Variants in CFAP95 observed in about 807,000 individuals in gnomAD.
CFAP95 encodes the protein cilia- and flagella-associated protein 95.
At chr9:69,866,037 T>G in the CFAP95 span, among the ~76,000 whole-genome samples, 2 of 152,088 alleles carry the variant, frequency 1.3e-5, no homozygotes, top group African/African-American at 4.8e-5. Context: ...TGAGCTGAGA[T>G]AGTTTAATAC....
the CFAP95 span, among the ~76,000 whole-genome samples, chr9:69,866,679 T>C: frequency 6.6e-6 from 1 of 152,240 alleles, no homozygotes; most frequent in African/African-American, 2.4e-5. Context: ...ACAGACAGAA[T>C]CTGGGCTATC....
the CFAP95 span, among the ~76,000 whole-genome samples, chr9:69,826,633 T>G: frequency 1.3e-5 from 2 of 152,206 alleles, no homozygotes; most frequent in South Asian, 4.1e-4. Context: ...AAAAGCTTAT[T>G]AACTCTTAAT....
At chr9:69,823,201 G>A in the CFAP95 span, among the ~76,000 whole-genome samples, 1 of 152,070 alleles carries the variant, frequency 6.6e-6, no homozygotes, top group Admixed American at 6.6e-5. Flanking sequence ...GGTGAAGGAG[G>A]AACTTCGAAA....
chr9:69,820,824 C>T, the CFAP95 span: 3 of 1,543,380 alleles, frequency 1.9e-6, no homozygotes, highest in African/African-American at 1.4e-5. Context: ...TACGTTCCTG[C>T]CGGGCAGGAC....
At chr9:69,856,592 T>C in the CFAP95 span, 1 of 1,611,382 alleles carries the variant, frequency 6.2e-7, no homozygotes, top group Non-Finnish European at 8.5e-7. Context: ...TTGTCACAAA[T>C]GTGTTTAAAC....
chr9:69,844,083 T>C, the CFAP95 span, among the ~76,000 whole-genome samples: 36 of 152,162 alleles, frequency 2.4e-4, 1 homozygote, highest in Admixed American at 2.4e-3. Context: ...AGGTTATAAA[T>C]CAATATGGGC....
chr9:69,883,964 G>T, the CFAP95 span, among the ~76,000 whole-genome samples: 49 of 151,922 alleles, frequency 3.2e-4, no homozygotes, highest in African/African-American at 1.1e-3. Flanking sequence ...TCTTTAAGAT[G>T]CATCAATAGG....
At chr9:69,841,537 A>G in the CFAP95 span, among the ~76,000 whole-genome samples, 1 of 152,146 alleles carries the variant, frequency 6.6e-6, no homozygotes, top group Admixed American at 6.5e-5. Flanking sequence ...CCAGAGAAAA[A>G]GCTGAGAATG....
At chr9:69,862,498 C>G in the CFAP95 span, among the ~76,000 whole-genome samples, 4 of 152,130 alleles carry the variant, frequency 2.6e-5, no homozygotes, top group Non-Finnish European at 5.9e-5. Flanking sequence ...AGAATCTGCT[C>G]TCCTGAATAT....
chr9:69,901,916 G>C, the CFAP95 span, among the ~76,000 whole-genome samples: 3 of 152,102 alleles, frequency 2.0e-5, no homozygotes, highest in African/African-American at 7.2e-5. Context: ...CTGTGGTTTT[G>C]ATTCACATTT....
chr9:69,829,290 A>T, the CFAP95 span, among the ~76,000 whole-genome samples: 1 of 152,182 alleles, frequency 6.6e-6, no homozygotes, highest in Non-Finnish European at 1.5e-5. Flanking sequence ...TGCCCTGACT[A>T]CATTTTTCTT....
At chr9:69,884,524 T>C in the CFAP95 span, 2 of 152,178 alleles carry the variant, frequency 1.3e-5, no homozygotes, top group African/African-American at 2.4e-5. Flanking sequence ...ACCATACTGA[T>C]GTTGAACTTA....
the CFAP95 span, among the ~76,000 whole-genome samples, chr9:69,895,709 G>A: frequency 1.3e-5 from 2 of 152,176 alleles, no homozygotes; most frequent in African/African-American, 2.4e-5. Flanking sequence ...CTCAGGAAAC[G>A]GATTGTTTTT....
chr9:69,870,725 A>C, the CFAP95 span, among the ~76,000 whole-genome samples: 1 of 152,218 alleles, frequency 6.6e-6, no homozygotes, highest in Non-Finnish European at 1.5e-5. Flanking sequence ...AATTTGGAAT[A>C]AGTGTTGATT....
At chr9:69,820,875 C>G in the CFAP95 span, 1 of 1,613,724 alleles carries the variant, frequency 6.2e-7, no homozygotes, top group South Asian at 1.1e-5. Context: ...ACCTCGAGGG[C>G]TCCCATGGAT....
At chr9:69,856,716 C>G in the CFAP95 span, 2 of 1,392,076 alleles carry the variant, frequency 1.4e-6, no homozygotes, top group African/African-American at 2.9e-5. Flanking sequence ...TGTGGACATG[C>G]AGAAAGGACT....
At chr9:69,823,293 C>T in the CFAP95 span, among the ~76,000 whole-genome samples, 1 of 152,190 alleles carries the variant, frequency 6.6e-6, no homozygotes, top group African/African-American at 2.4e-5. Context: ...GATCCAATCA[C>T]CTACCTCCCT....
the CFAP95 span, chr9:69,821,161 A>G: frequency 9.6e-7 from 1 of 1,040,854 alleles, no homozygotes; most frequent in Non-Finnish European, 1.3e-6. Flanking sequence ...AACGGAAAAA[A>G]GAATGAGAAA....
chr9:69,873,676 C>T, the CFAP95 span, among the ~76,000 whole-genome samples: 1 of 152,208 alleles, frequency 6.6e-6, no homozygotes, highest in Admixed American at 6.5e-5. Context: ...ATTCAGACTC[C>T]TAGATGACCC....
Sources: allele counts gnomAD v4.1 joint callset (sites outside exome capture counted in the v4.1 genomes callset), GRCh38; gene constraint gnomAD v4.1.1; transcripts MANE v1.5; gene names NCBI Gene and HGNC (gene_info 2026-07-23, HGNC 2026-07-21).